The following ARFIP1 variants were observed in gnomAD, a reference collection of about 807,000 sequenced individuals.
ARFIP1 encodes the protein ARF interacting protein 1, also known as arfaptin-1.
A neutral mutation model predicts 42.5 loss-of-function variants in ARFIP1; 24 were observed. That is an observed-to-expected ratio of 0.57 (90% CI 0.41 to 0.80). ARFIP1 has a LOEUF of 0.80. Ranked by LOEUF, ARFIP1 falls within the 30% of genes least tolerant of loss-of-function variation. The probability of loss-of-function intolerance (pLI) is 0.00; values close to 1 mark genes in which losing one functional copy is unlikely to be tolerated. For synonymous variants in ARFIP1, 141 were observed against 153.7 expected (o/e 0.92, Z 0.61); for missense variants, 354 against 434.0 (o/e 0.82, Z 1.64).
At chr4:152,791,005 T>C (rs547721603) in intron 1 of ARFIP1, among the ~76,000 whole-genome samples, 2 of 152,148 alleles carry the variant, frequency 1.3e-5, no homozygotes, top group South Asian at 4.1e-4. Flanking sequence ...CCCAAAGTGC[T>C]GGGATTACAG....
At chr4:152,870,047 A>G (rs113048984) in intron 3 of ARFIP1, among the ~76,000 whole-genome samples, 105 of 152,342 alleles carry the variant, frequency 6.9e-4, no homozygotes, top group African/African-American at 2.4e-3. Flanking sequence ...AAAATATTCT[A>G]CATCAGCACT....
chr4:152,885,748 C>T (rs1340265048), intron 7 of ARFIP1, among the ~76,000 whole-genome samples: 1 of 151,804 alleles, frequency 6.6e-6, no homozygotes, highest in African/African-American at 2.4e-5. Context: ...GGATATTTGT[C>T]CTTAGATTAA....
intron 2 of ARFIP1, among the ~76,000 whole-genome samples, chr4:152,855,881 C>T (rs891048517): frequency 1.3e-4 from 20 of 152,214 alleles, no homozygotes; most frequent in African/African-American, 4.1e-4. Context: ...CCCAGCTGAT[C>T]CTGGCAGAGC....
chr4:152,886,969 C>G (rs1489859246), intron 7 of ARFIP1, among the ~76,000 whole-genome samples: 6 of 151,926 alleles, frequency 3.9e-5, no homozygotes, highest in Non-Finnish European at 8.8e-5. Context: ...TATTCTTTCT[C>G]AAGTCATATA....
At chr4:152,868,177 T>C (rs532515916) in intron 3 of ARFIP1, among the ~76,000 whole-genome samples, 2 of 152,274 alleles carry the variant, frequency 1.3e-5, no homozygotes, top group South Asian at 2.1e-4. Flanking sequence ...ACAACAAATA[T>C]TGAAATCGGC....
At chr4:152,818,219 C>A (rs1478600509) in intron 1 of ARFIP1, among the ~76,000 whole-genome samples, 1 of 152,176 alleles carries the variant, frequency 6.6e-6, no homozygotes, top group East Asian at 1.9e-4. Context: ...ACTACAGACC[C>A]TCTGAAAGAA....
intron 2 of ARFIP1, among the ~76,000 whole-genome samples, chr4:152,855,367 G>T (rs1012092250): frequency 6.6e-6 from 1 of 152,122 alleles, no homozygotes; most frequent in Admixed American, 6.5e-5. Context: ...GGGAGGGGTG[G>T]GGTGCAGAAT....
At position 152,804,171 on chromosome 4, in the gene ARFIP1, C is replaced by T. The variant is rs28382293; in HGVS notation, c.-10+23945C>T. Among the ~76,000 whole-genome samples, 6 of 44,474 alleles carry T rather than the reference C, an allele frequency of 1.3e-4. 1 individual carries two copies. The East Asian group carries it at 1.7e-3, about 13-fold the overall frequency. 29.2% of individuals were successfully genotyped at this position (44,474 alleles called of 152,430 possible). On this transcript the variant is annotated intron_variant, in intron 1 of 8. Transcript: ENST00000353617. Reference sequence around the variant, plus strand: ...GTATTATATATTATATATAATATAACATGTATTATATATTATATATAATAT... The same window carrying T: ...GTATTATATATTATATATAATATAATATGTATTATATATTATATATAATAT...
At chr4:152,798,059 A>T (rs985598786) in intron 1 of ARFIP1, among the ~76,000 whole-genome samples, 9 of 152,158 alleles carry the variant, frequency 5.9e-5, no homozygotes, top group Non-Finnish European at 1.2e-4. Context: ...GGAGTTCAAG[A>T]CCAGCCTGGC....
chr4:152,877,431 C>CTATA (rs1478624161), intron 5 of ARFIP1, among the ~76,000 whole-genome samples: 3 of 152,138 alleles, frequency 2.0e-5, no homozygotes, highest in Non-Finnish European at 4.4e-5. Flanking sequence ...TTTGGAATGG[C>CTATA]TATATTTACC....
At chr4:152,859,761 T>C (rs1733730589) in intron 2 of ARFIP1, among the ~76,000 whole-genome samples, 1 of 151,640 alleles carries the variant, frequency 6.6e-6, no homozygotes, top group African/African-American at 2.4e-5. Context: ...GGTCTCTTAC[T>C]CAGAAACTCT....
chr4:152,859,977 C>CA (rs1053910156), intron 2 of ARFIP1, among the ~76,000 whole-genome samples: 5 of 151,652 alleles, frequency 3.3e-5, no homozygotes, highest in African/African-American at 4.8e-5. Context: ...CTTTGTCACT[C>CA]AAAAAATAAA....
intron 1 of ARFIP1, among the ~76,000 whole-genome samples, chr4:152,787,820 A>G (rs1377296635): frequency 1.3e-5 from 2 of 152,258 alleles, no homozygotes; most frequent in African/African-American, 2.4e-5. Flanking sequence ...AAATATTCCA[A>G]ATGCCAAAAA....
rs948704130 is a variant in ARFIP1 at position 152,829,796 on chromosome 4, T to C, written c.93+70T>C. On this transcript the variant is annotated intron_variant, in intron 2 of 8. Transcript: ENST00000353617. ...TCTTTAAATGTTGAGATGAAAGTAA[T>C]AGACAAAATTTAATATAGGATTGTT... 5.1e-5 allele frequency: 62 copies of C among 1,212,434 alleles called. No homozygotes were observed. The African/African-American group carries it at 7.8e-4, about 15-fold the overall frequency. The allele number at this position is 1,212,434 out of a possible 1,614,324, so 75.1% of individuals were successfully genotyped here.
intron 5 of ARFIP1, among the ~76,000 whole-genome samples, chr4:152,874,777 A>G (rs111385588): frequency 1.3e-5 from 2 of 151,972 alleles, no homozygotes; most frequent in Non-Finnish European, 2.9e-5. Context: ...TGATCCTCTC[A>G]CCTCAGCCTC....
chr4:152,813,079 A>G (rs1007492130), intron 1 of ARFIP1, among the ~76,000 whole-genome samples: 4 of 152,196 alleles, frequency 2.6e-5, no homozygotes, highest in Non-Finnish European at 5.9e-5. Flanking sequence ...GTTCTAATCC[A>G]TGGATTCAGC....
intron 7 of ARFIP1, 48 bp downstream of exon 7, chr4:152,882,928 A>G (rs1735962542): frequency 6.5e-7 from 1 of 1,543,454 alleles, no homozygotes; most frequent in Admixed American, 2.2e-5. Context: ...GATGGCATAT[A>G]ATTCAGTTAA....
At chr4:152,827,278 A>G (rs1307610538) in intron 1 of ARFIP1, among the ~76,000 whole-genome samples, 1 of 152,200 alleles carries the variant, frequency 6.6e-6, no homozygotes, top group Admixed American at 6.5e-5. Flanking sequence ...ATTATTTTCA[A>G]GAGCAGTTTT....
chr4:152,870,446 T>C (rs1002173618), intron 3 of ARFIP1, among the ~76,000 whole-genome samples: 2 of 152,254 alleles, frequency 1.3e-5, no homozygotes, highest in East Asian at 1.9e-4. Context: ...ATTCACATTC[T>C]GTTAACTGAT....
Sources: gnomAD v4.1 joint callset for allele counts (sites outside exome capture counted in the v4.1 genomes callset) on GRCh38, gnomAD v4.1.1 for gene constraint, MANE v1.5 for transcripts, NCBI Gene and HGNC (gene_info 2026-07-23, HGNC 2026-07-21) for gene names.